ADGRL2: variants seen among roughly 807,000 people sequenced by gnomAD.
The protein encoded by ADGRL2 is adhesion G protein-coupled receptor L2.
A neutral mutation model predicts 157.4 loss-of-function variants in ADGRL2; 44 were observed. The ratio of observed to expected loss-of-function variants is 0.28; its 90% CI spans 0.22 to 0.36. ADGRL2 has a LOEUF of 0.36. Ranked by LOEUF, ADGRL2 falls within the 10% of genes least tolerant of loss-of-function variation. ADGRL2 has a pLI of 1.00. For synonymous variants in ADGRL2, 585 were observed against 624.7 expected (o/e 0.94, Z 0.95); for missense variants, 1,510 against 1,768.9 (o/e 0.85, Z 2.63).
chr1:81,517,491 G>GAAAAA (rs1383583561), intron 2 of ADGRL2, among the ~76,000 whole-genome samples: 40 of 141,862 alleles, frequency 2.8e-4, no homozygotes, highest in African/African-American at 9.7e-4. Context: ...AAAAAAAAAG[G>GAAAAA]ATGTCAAAAC....
chr1:81,334,623 T>C (rs541049705), intron 1 of ADGRL2, among the ~76,000 whole-genome samples: 1 of 152,314 alleles, frequency 6.6e-6, no homozygotes, highest in South Asian at 2.1e-4. Context: ...GCAATGAAAA[T>C]GGTTTGTTAA....
At chr1:81,784,845 T>G (rs1557649341) in intron 2 of ADGRL2, among the ~76,000 whole-genome samples, 1 of 152,136 alleles carries the variant, frequency 6.6e-6, no homozygotes, top group African/African-American at 2.4e-5. Context: ...AAATGTTTCA[T>G]TTTTTGGTAT....
chr1:81,489,596 GA>G (rs2078586697), intron 2 of ADGRL2, among the ~76,000 whole-genome samples: 1 of 140,902 alleles, frequency 7.1e-6, no homozygotes, highest in South Asian at 2.2e-4. Context: ...TGAAAGACAT[GA>G]ATTTGTACAT....
At chr1:81,911,553 A>G (rs1028184313) in intron 3 of ADGRL2, among the ~76,000 whole-genome samples, 7 of 152,004 alleles carry the variant, frequency 4.6e-5, no homozygotes, top group Non-Finnish European at 8.8e-5. Context: ...CACTCTAAAA[A>G]CCTGCTCATT....
At chr1:81,386,679 A>C (rs987548449) in intron 1 of ADGRL2, among the ~76,000 whole-genome samples, 2 of 152,182 alleles carry the variant, frequency 1.3e-5, no homozygotes, top group African/African-American at 4.8e-5. Flanking sequence ...TGATGCAAAC[A>C]ATTGGTGCTA....
chr1:81,459,149 A>G (rs2101790341), intron 2 of ADGRL2, among the ~76,000 whole-genome samples: 1 of 152,050 alleles, frequency 6.6e-6, no homozygotes, highest in African/African-American at 2.4e-5. Flanking sequence ...AAAAAGCACC[A>G]CTCAATTGGT....
At chr1:81,900,061 G>C (rs2094459397) in intron 2 of ADGRL2, among the ~76,000 whole-genome samples, 1 of 152,104 alleles carries the variant, frequency 6.6e-6, no homozygotes, top group South Asian at 2.1e-4. Context: ...GGATATAACT[G>C]TAGAAAACTT....
At chr1:81,457,500 G>A (rs2077831704) in intron 2 of ADGRL2, among the ~76,000 whole-genome samples, 1 of 151,886 alleles carries the variant, frequency 6.6e-6, no homozygotes, top group Non-Finnish European at 1.5e-5. Flanking sequence ...AGAGAATTAA[G>A]TTTTTGCTTA....
rs370132224 is a variant in ADGRL2 at position 81,990,832 on chromosome 1, C to T, written c.4097C>T (p.Thr1366Ile). ...ACTGACAGCTATGTCTCCCAACTGA[C>T]AGCAGAGGCTGAAGATCACCTACAG... ...EGTDSYVSQL[T>I]AEAEDHLQSP... Residue 1366 changes from threonine (T) to isoleucine (I), a missense_variant, in exon 24 of 24, where the codon ACA becomes ATA. Thr to Ile is a moderately conservative substitution (Grantham distance 89, BLOSUM62 -1). Transcript: ENST00000686636. The T allele has an allele frequency of 6.1e-5, 98 of 1,614,038 alleles. No individual in the cohort carries two copies. The highest frequency in any genetic ancestry group is 8.0e-5 in the Non-Finnish European group (94 of 1,180,032).
chr1:81,922,799 T>C (rs974453017), intron 3 of ADGRL2, among the ~76,000 whole-genome samples: 17 of 152,108 alleles, frequency 1.1e-4, no homozygotes, highest in African/African-American at 4.1e-4. Context: ...GAGGAATGCT[T>C]GAGGCCAGGA....
intron 1 of ADGRL2, chr1:81,722,085 G>A (rs527408391): frequency 1.0e-3 from 386 of 378,778 alleles, no homozygotes; most frequent in Non-Finnish European, 1.3e-3. Flanking sequence ...GAGGTCAGGA[G>A]ATCGAGACCA....
rs753014450 is a variant in ADGRL2, at chr1:81,893,319, T to TTTGTTTTTTTTTTTTGTTTTTG, written c.74-13697_74-13696insTGTTTTTTTTTTTTGTTTTTGT. The stretch of plus-strand genomic sequence containing the variant: ...GTTTTTGTGACTTATCAATCCTGTC[T>TTTGTTTTTTTTTTTTGTTTTTG]TGTATTTTTCTTTTTTTCTTGAATA... On this transcript the variant is annotated intron_variant, in intron 2 of 23. Transcript: ENST00000686636. 6.3e-4 allele frequency among the ~76,000 whole-genome samples: 94 copies of TTTGTTTTTTTTTTTTGTTTTTG among 150,330 alleles called. No individual in the cohort carries two copies. The Middle Eastern group carries it at 0.01, about 17-fold the overall frequency.
chr1:81,413,402 T>A (rs760492070), intron 1 of ADGRL2, among the ~76,000 whole-genome samples: 7 of 152,282 alleles, frequency 4.6e-5, no homozygotes, highest in Non-Finnish European at 8.8e-5. Flanking sequence ...AAAAAAAATG[T>A]TTTTGTCATT....
intron 1 of ADGRL2, among the ~76,000 whole-genome samples, chr1:81,801,582 C>G (rs985706460): frequency 1.2e-4 from 18 of 152,208 alleles, no homozygotes; most frequent in Admixed American, 9.8e-4. Flanking sequence ...CTTGCTTCCC[C>G]GAGCCCGAGT....
intron 2 of ADGRL2, among the ~76,000 whole-genome samples, chr1:81,906,789 G>C (rs542823945): frequency 2.6e-5 from 4 of 152,118 alleles, no homozygotes; most frequent in East Asian, 1.9e-4. Flanking sequence ...TGATTATACA[G>C]AAAGTAATTT....
intron 3 of ADGRL2, among the ~76,000 whole-genome samples, chr1:81,594,949 A>G (rs892549704): frequency 6.6e-6 from 1 of 152,242 alleles, no homozygotes; most frequent in East Asian, 1.9e-4. Context: ...AACACACTGC[A>G]TTGTGTCTAT....
At chr1:81,916,885 A>T (rs1435418769) in intron 3 of ADGRL2, among the ~76,000 whole-genome samples, 1 of 151,916 alleles carries the variant, frequency 6.6e-6, no homozygotes, top group Non-Finnish European at 1.5e-5. Flanking sequence ...CCAAATCCAT[A>T]TTTTGTTTTT....
chr1:81,685,712 C>T (rs2083214991), intron 3 of ADGRL2, among the ~76,000 whole-genome samples: 1 of 152,096 alleles, frequency 6.6e-6, no homozygotes, highest in South Asian at 2.1e-4. Flanking sequence ...TGTCTTGTTC[C>T]CATTCTCAGA....
At position 81,562,585 on chromosome 1, in the gene ADGRL2, A is replaced by G. The variant is rs1189007778; in HGVS notation, c.-247-18291A>G. Among the ~76,000 whole-genome samples the G allele has an allele frequency of 2.6e-5, 4 of 152,130 alleles. No homozygotes were observed. The East Asian group carries it at 7.7e-4, about 29-fold the overall frequency. ...TAGCCTCAGCTGGAAAATATCAATT[A>G]CACAGTCTTTGTTTCTTTGCAACTA... On this transcript the variant is annotated intron_variant, in intron 2 of 24. Transcript: ENST00000370721.
Sources: allele counts gnomAD v4.1 joint callset (sites outside exome capture counted in the v4.1 genomes callset), GRCh38; gene constraint gnomAD v4.1.1; transcripts MANE v1.5; gene names NCBI Gene and HGNC (gene_info 2026-07-23, HGNC 2026-07-21).